Variants in ARID1B observed in about 807,000 individuals in gnomAD.
ARID1B encodes the protein AT-rich interaction domain 1B.
ARID1B carries 30 observed loss-of-function variants against 212.3 expected under a neutral mutation model. That is an observed-to-expected ratio of 0.14 (90% CI 0.11 to 0.19). ARID1B has a LOEUF of 0.19. ARID1B is among the 10% of genes least tolerant of loss of function. ARID1B has a pLI of 1.00. For synonymous variants in ARID1B, 1,402 were observed against 1,301.7 expected (o/e 1.08, Z -1.66); for missense variants, 2,891 against 3,204.0 (o/e 0.90, Z 2.36).
intron 3 of ARID1B, among the ~76,000 whole-genome samples, chr6:156,912,060 A>C (rs761537381): frequency 6.6e-6 from 1 of 152,190 alleles, no homozygotes; most frequent in Non-Finnish European, 1.5e-5. Context: ...GTATTTTCTA[A>C]ATTATCTACA....
At chr6:157,006,966 C>G (rs995184343) in intron 4 of ARID1B, among the ~76,000 whole-genome samples, 2 of 152,240 alleles carry the variant, frequency 1.3e-5, no homozygotes, top group Non-Finnish European at 1.5e-5. Context: ...CACACACACA[C>G]AGACACGCAA....
chr6:157,164,611 C>T (rs959727703), intron 8 of ARID1B: 4 of 152,138 alleles, frequency 2.6e-5, no homozygotes, highest in African/African-American at 9.7e-5. Flanking sequence ...TAATTCATCC[C>T]TTTAACAATT....
At chr6:156,872,644 T>A (rs1786232302) in intron 2 of ARID1B, among the ~76,000 whole-genome samples, 1 of 152,048 alleles carries the variant, frequency 6.6e-6, no homozygotes, top group Admixed American at 6.5e-5. Flanking sequence ...CGGTTTTCAG[T>A]CTGTTTGGTT....
chr6:156,864,272 T>A (rs890718417), intron 2 of ARID1B, among the ~76,000 whole-genome samples: 1 of 152,234 alleles, frequency 6.6e-6, no homozygotes, highest in African/African-American at 2.4e-5. Flanking sequence ...TGCAGCCCTC[T>A]GAGTGGGATA....
intron 7 of ARID1B, among the ~76,000 whole-genome samples, chr6:157,134,337 A>C (rs1421275974): frequency 1.3e-5 from 2 of 152,234 alleles, no homozygotes; most frequent in Non-Finnish European, 2.9e-5. Flanking sequence ...GATCTTAAAC[A>C]GTTTCAGTGC....
At position 156,935,332 on chromosome 6, in the gene ARID1B, G is replaced by C. The variant is rs1381017109; in HGVS notation, c.2137-134G>C. The C allele has an allele frequency of 4.3e-6, 3 of 696,660 alleles. No individual in the cohort carries two copies. In the African/African-American group the frequency reaches 5.4e-5, roughly 13 times the overall value. The allele number at this position is 696,660 out of a possible 1,614,324, so 43.2% of individuals were successfully genotyped here. On this transcript the variant is annotated intron_variant, in intron 3 of 19. Transcript: ENST00000636930. ...TGGGCTCAAGCGATCTGCCTGCCTTGATCTCCCGAAGTGCTGGGATTACAG... is the reference window on the plus strand; with the variant it reads ...TGGGCTCAAGCGATCTGCCTGCCTTCATCTCCCGAAGTGCTGGGATTACAG...
chr6:157,160,785 A>G (rs898048855), intron 8 of ARID1B, among the ~76,000 whole-genome samples: 1 of 152,030 alleles, frequency 6.6e-6, no homozygotes, highest in African/African-American at 2.4e-5. Context: ...GGGCCCTTGA[A>G]TTTGCTGTTT....
intron 5 of ARID1B, among the ~76,000 whole-genome samples, chr6:157,087,472 G>A (rs1785028290): frequency 6.6e-6 from 1 of 152,162 alleles, no homozygotes. Context: ...CACCTTATAG[G>A]GGAAATGCAA....
chr6:157,021,559 G>A lies in ARID1B; in HGVS notation c.2248-63103G>A, dbSNP rs548122013. 7.2e-5 allele frequency among the ~76,000 whole-genome samples: 11 copies of A among 152,314 alleles called. No individual in the cohort carries two copies. In the South Asian group the frequency reaches 1.9e-3, roughly 26 times the overall value. ...GTAGGCTCGTGGGGGCGGGGACAGGGGGACGAAAACAACCGCGTCCTCAGC... is the reference window on the plus strand; with the variant it reads ...GTAGGCTCGTGGGGGCGGGGACAGGAGGACGAAAACAACCGCGTCCTCAGC... On this transcript the variant is annotated intron_variant, in intron 4 of 19. Coordinates refer to ENST00000636930, the MANE Select transcript of ARID1B (RefSeq NM_001374828.1).
At chr6:156,928,132 C>T (rs908675514) in intron 3 of ARID1B, among the ~76,000 whole-genome samples, 6 of 152,206 alleles carry the variant, frequency 3.9e-5, no homozygotes, top group Non-Finnish European at 5.9e-5. Flanking sequence ...GCCCCACACC[C>T]TGGGGCCGGC....
intron 4 of ARID1B, among the ~76,000 whole-genome samples, chr6:157,051,302 T>G (rs1782590381): frequency 6.6e-6 from 1 of 151,992 alleles, no homozygotes; most frequent in South Asian, 2.1e-4. Context: ...TGTGGAAAAG[T>G]GAAATAAAGG....
chr6:156,844,573 A>G (rs1784103522), intron 2 of ARID1B, among the ~76,000 whole-genome samples: 1 of 152,230 alleles, frequency 6.6e-6, no homozygotes, highest in African/African-American at 2.4e-5. Context: ...GAACTTGCCA[A>G]AAATCTAAAG....
rs2128327027 is a variant in ARID1B, at chr6:157,184,658, G to T, written c.3919+223G>T. The stretch of plus-strand genomic sequence containing the variant: ...GGCCATTTCTGGTTGACACTTGGAA[G>T]GCACCCCTTCTTTTGCTTTACCTTA... On this transcript the variant is annotated intron_variant, in intron 13 of 19. Coordinates refer to ENST00000636930, the MANE Select transcript of ARID1B (RefSeq NM_001374828.1). The T allele has an allele frequency of 5.0e-6, 3 of 603,206 alleles. No individual in the cohort carries two copies. In the East Asian group the frequency reaches 8.5e-5, roughly 17 times the overall value. 37.4% of individuals were successfully genotyped at this position (603,206 alleles called of 1,614,324 possible).
chr6:157,116,828 T>C (rs895489212), intron 6 of ARID1B, among the ~76,000 whole-genome samples: 9 of 152,150 alleles, frequency 5.9e-5, no homozygotes, highest in African/African-American at 2.2e-4. Context: ...CTCTCCACTG[T>C]TGAAAAAGAG....
intron 3 of ARID1B, among the ~76,000 whole-genome samples, chr6:156,930,165 T>C (rs531665094): frequency 6.6e-6 from 1 of 152,334 alleles, no homozygotes; most frequent in Non-Finnish European, 1.5e-5. Context: ...TAATCCTTAA[T>C]GTTGGAGGTG....
chr6:156,936,650 A>G (rs1234474639), intron 4 of ARID1B: 3 of 131,750 alleles, frequency 2.3e-5, no homozygotes, highest in African/African-American at 9.5e-5. Flanking sequence ...ACAGAGCGAG[A>G]CTCCATCTCA....
chr6:157,083,524 T>C (rs9384525), intron 4 of ARID1B, among the ~76,000 whole-genome samples: 34,578 of 151,970 alleles, frequency 0.23, 5,149 homozygotes, highest in East Asian at 0.43. Context: ...CAGAAGACAG[T>C]TTCTTCTTCC....
chr6:156,798,477 ATGT>A lies in ARID1B; in HGVS notation c.1791+19008_1791+19010del, dbSNP rs372731619. ...GGGTGCATGCGCTTTGGCCAAGGCC[ATGT>A]TACATGATGGTACCAGGAGTCAGCC... On this transcript the variant is annotated intron_variant, in intron 1 of 19. Coordinates refer to ENST00000636930, the MANE Select transcript of ARID1B (RefSeq NM_001374828.1). Among the ~76,000 whole-genome samples, 746 of 152,394 alleles carry A rather than the reference ATGT, an allele frequency of 4.9e-3. 6 individuals are homozygous for A. The highest frequency in any genetic ancestry group is 0.016 in the African/African-American group (674 of 41,602).
At chr6:157,098,484 G>T (rs1050353243) in intron 5 of ARID1B, among the ~76,000 whole-genome samples, 1 of 152,192 alleles carries the variant, frequency 6.6e-6, no homozygotes, top group Non-Finnish European at 1.5e-5. Flanking sequence ...ATTGCAAAGG[G>T]TGTGTTTTGA....
Sources: allele counts gnomAD v4.1 joint callset (sites outside exome capture counted in the v4.1 genomes callset), GRCh38; gene constraint gnomAD v4.1.1; transcripts MANE v1.5; gene names NCBI Gene and HGNC (gene_info 2026-07-23, HGNC 2026-07-21).